CAPN5: variants seen among roughly 807,000 people sequenced by gnomAD.
CAPN5 encodes calpain-5.
CAPN5 carries 54 observed loss-of-function variants against 73.0 expected under a neutral mutation model. That is an observed-to-expected ratio of 0.74 (90% confidence interval 0.59 to 0.93). The LOEUF is 0.93. CAPN5 is among the 40% of genes least tolerant of loss of function. CAPN5 has a pLI of 0.00. For synonymous variants in CAPN5, 335 were observed against 356.9 expected, an observed-to-expected ratio of 0.94 and a Z score of 0.69; for missense variants, 785 against 882.9, an observed-to-expected ratio of 0.89 and a Z score of 1.41.
rs1555042861 is a variant in CAPN5, at chr11:77,121,919, G to A, written c.1488-15G>A. The A allele has an allele frequency of 1.1e-5, 16 of 1,482,666 alleles. No individual in the cohort carries two copies. In the Admixed American group the frequency reaches 1.1e-4, roughly 10 times the overall value. The allele number at this position is 1,482,666 out of a possible 1,614,324, so 91.8% of individuals were successfully genotyped here. ...CTTCTCCATCACTCCCCTCTCCCCT[G>A]CCGCCCCATATCAGGGAGCTGCGCC... On this transcript the variant is annotated splice_polypyrimidine_tract_variant and intron_variant, in intron 10 of 12. Transcript: ENST00000648180.
At chr11:77,083,235 C>T (rs1950045368) in intron 1 of CAPN5, among the ~76,000 whole-genome samples, 1 of 152,242 alleles carries the variant, frequency 6.6e-6, no homozygotes, top group Non-Finnish European at 1.5e-5. Context: ...GACAACTGCT[C>T]TCAGCTCCCT....
intron 3 of CAPN5, among the ~76,000 whole-genome samples, chr11:77,111,724 ACAT>A (rs1555040766): frequency 6.6e-6 from 1 of 152,188 alleles, no homozygotes; most frequent in East Asian, 1.9e-4. Context: ...TCCCAGTGTA[ACAT>A]CAGAGCTCAA....
chr11:77,101,039 C>A (rs1306417339), intron 3 of CAPN5, among the ~76,000 whole-genome samples: 1 of 152,250 alleles, frequency 6.6e-6, no homozygotes, highest in Non-Finnish European at 1.5e-5. Flanking sequence ...GTACTGTCTC[C>A]CCACCTGCCC....
In CAPN5 at chr11:77,076,263, G is replaced by A. The variant is rs111570124; in HGVS notation, c.-35-8589G>A. On this transcript the variant is annotated intron_variant, in intron 1 of 12. Transcript: ENST00000648180. ...TGTAATCCCAGGGAGGCTGAGGCAG[G>A]AGAATCGCTTGAATCCATTAGACGG... is the stretch of plus-strand genomic sequence containing the variant. Among the ~76,000 whole-genome samples, 704 of 152,312 alleles carry A rather than the reference G, an allele frequency of 4.6e-3. 4 individuals are homozygous for A. Among genetic ancestry groups the A allele is most frequent in the African/African-American group, 0.016 (665 of 41,564 alleles).
At position 77,124,758 on chromosome 11, in the gene CAPN5, G is replaced by A. The variant is rs1430094183; in HGVS notation, c.*888G>A. 4 of 152,290 alleles carry A rather than the reference G, an allele frequency of 2.6e-5. No individual in the cohort carries two copies. Among genetic ancestry groups the A allele is most frequent in the African/African-American group, 9.6e-5 (4 of 41,466 alleles). The allele number at this position is 152,290 out of a possible 1,614,324, so 9.4% of individuals were successfully genotyped here. A position where few individuals can be genotyped will look rare whatever the true frequency, so the allele number is the denominator to read the frequency against. On this transcript the variant is annotated 3_prime_UTR_variant, in exon 13 of 13. Coordinates refer to ENST00000648180, the MANE Select transcript of CAPN5 (RefSeq NM_004055.5). The stretch of plus-strand genomic sequence containing the variant: ...GACCAGAAGGGGAGATGTGCTCCCA[G>A]AGCCTCTCTGCTGTAAGACCCCAGC...
At chr11:77,123,602 GCCA>G in intron 12 of CAPN5, 83 bp from the exon 13 acceptor site, 3 of 1,175,014 alleles carry the variant, frequency 2.6e-6, no homozygotes, top group Non-Finnish European at 2.5e-6. Flanking sequence ...TCAAGGCCCT[GCCA>G]CCACCACCAG....
At chr11:77,105,293 C>T (rs1950332896) in intron 3 of CAPN5, among the ~76,000 whole-genome samples, 1 of 152,082 alleles carries the variant, frequency 6.6e-6, no homozygotes, top group African/African-American at 2.4e-5. Context: ...GGCCACTTCC[C>T]ACACTCCCCC....
At chr11:77,084,775 T>C in intron 1 of CAPN5, 77 bp from the exon 2 acceptor site, 1 of 1,310,436 alleles carries the variant, frequency 7.6e-7, no homozygotes, top group Non-Finnish European at 1.1e-6. Flanking sequence ...GCCATGGGGC[T>C]GATGATGTCC....
In CAPN5 at chr11:77,083,529, G is replaced by A. The variant is rs376679319; in HGVS notation, c.-35-1323G>A. On this transcript the variant is annotated intron_variant, in intron 1 of 12. Coordinates refer to ENST00000648180, the MANE Select transcript of CAPN5 (RefSeq NM_004055.5). ...TGGGCAGGTCACCTCACCTCACTGA[G>A]CCGCAGTTGTATTTTGTGAAAGCTG... Among the ~76,000 whole-genome samples the A allele has an allele frequency of 6.6e-5, 10 of 152,190 alleles. No individual in the cohort carries two copies. In the East Asian group the frequency reaches 1.2e-3, roughly 18 times the overall value.
At chr11:77,098,387 A>C (rs1591128922) in intron 3 of CAPN5, among the ~76,000 whole-genome samples, 1 of 94,918 alleles carries the variant, frequency 1.1e-5, no homozygotes, top group Non-Finnish European at 2.1e-5. Flanking sequence ...TGACCCCCCC[A>C]CCTCCCTCCC....
At chr11:77,084,391 T>C (rs1950059617) in intron 1 of CAPN5, among the ~76,000 whole-genome samples, 2 of 152,136 alleles carry the variant, frequency 1.3e-5, no homozygotes, top group South Asian at 4.1e-4. Flanking sequence ...CTGAGAGGGG[T>C]ACCTGGGGCA....
chr11:77,119,269 T>A, intron 9 of CAPN5, 117 bp downstream of exon 9: 1 of 1,170,858 alleles, frequency 8.5e-7, no homozygotes, highest in Non-Finnish European at 1.2e-6. Context: ...CTGCCCTGGC[T>A]GCCGTGGCAG....
In CAPN5 at chr11:77,119,010, C is replaced by G. The variant is rs782110874; in HGVS notation, c.1168-20C>G. On this transcript the variant is annotated intron_variant, in intron 8 of 12. Coordinates refer to ENST00000648180, the MANE Select transcript of CAPN5 (RefSeq NM_004055.5). ...TGGTCTCATTGCAGTGTCTCTCTCT[C>G]TCCTTGGCCACACCTGCAGTACATC... is the stretch of plus-strand genomic sequence containing the variant. The G allele has an allele frequency of 1.4e-5, 22 of 1,602,392 alleles. No individual in the cohort carries two copies. In the Admixed American group the frequency reaches 2.2e-4, roughly 16 times the overall value.
intron 3 of CAPN5, among the ~76,000 whole-genome samples, chr11:77,096,151 G>T (rs782219964): frequency 2.1e-4 from 32 of 152,084 alleles, no homozygotes; most frequent in Non-Finnish European, 3.7e-4. Context: ...GCAGTGGGGG[G>T]GCTGCCGAGC....
intron 3 of CAPN5, among the ~76,000 whole-genome samples, chr11:77,098,272 G>A (rs1198107103): frequency 5.0e-5 from 5 of 99,084 alleles, no homozygotes; most frequent in Admixed American, 1.8e-4. Flanking sequence ...CTGGCCGGGC[G>A]GGGGGCTGAC....
chr11:77,084,893 T>G lies in CAPN5; in HGVS notation c.7T>G (p.Ser3Ala). 1 of 1,614,068 alleles carries G rather than the reference T, an allele frequency of 6.2e-7. No homozygotes were observed. Among genetic ancestry groups the G allele is most frequent in the Non-Finnish European group, 8.5e-7 (1 of 1,180,022 alleles). Reference protein sequence around the residue: MFSCVKPYEDQNY... With the variant: MFACVKPYEDQNY... ...CCCTGGGGCAGCAGCCACCATGTTC[T>G]CGTGTGTGAAGCCCTATGAGGACCA... Residue 3 changes from serine (S) to alanine (A), a missense_variant, in exon 2 of 13, where the codon TCG (serine) becomes GCG (alanine). Ser to Ala is a moderately conservative substitution (Grantham distance 99, BLOSUM62 1). Transcript: ENST00000648180.
At position 77,112,575 on chromosome 11, in the gene CAPN5, CT is replaced by C. The variant is rs1950422258; in HGVS notation, c.298-13del. 1.2e-6 allele frequency: 2 copies of C among 1,610,056 alleles called. No individual in the cohort carries two copies. Among genetic ancestry groups the C allele is most frequent in the African/African-American group, 2.7e-5 (2 of 74,816 alleles). On this transcript the variant is annotated splice_polypyrimidine_tract_variant and intron_variant, in intron 3 of 12. Transcript: ENST00000648180. ...ACTGTGTTCCCCCATCCTATCCCCC[CT>C]CCCCCTACCCAGGTCATCCCAGACT...
At chr11:77,106,835 G>A (rs1338719315) in intron 3 of CAPN5, among the ~76,000 whole-genome samples, 1 of 152,258 alleles carries the variant, frequency 6.6e-6, no homozygotes, top group Non-Finnish European at 1.5e-5. Flanking sequence ...ATGGCAGCAG[G>A]CGCAGGGCGG....
At chr11:77,091,397 T>C (rs1171320053) in intron 2 of CAPN5, among the ~76,000 whole-genome samples, 3 of 152,186 alleles carry the variant, frequency 2.0e-5, no homozygotes, top group Non-Finnish European at 4.4e-5. Context: ...GAGCGCCTGC[T>C]GGAGTGGAGG....
Sources: gnomAD v4.1 joint callset for allele counts (sites outside exome capture counted in the v4.1 genomes callset) on GRCh38, gnomAD v4.1.1 for gene constraint, MANE v1.5 for transcripts, NCBI Gene and HGNC (gene_info 2026-07-23, HGNC 2026-07-21) for gene names.